Variants in PTPRM observed in about 807,000 individuals in gnomAD.
The protein encoded by PTPRM is protein tyrosine phosphatase receptor type M.
A neutral mutation model predicts 186.7 loss-of-function variants in PTPRM; 47 were observed. The ratio of observed to expected loss-of-function variants is 0.25; its 90% CI spans 0.20 to 0.32. PTPRM has a LOEUF of 0.32. Among genes scored for constraint, PTPRM ranks in the 10% least tolerant of loss-of-function variants. The pLI is 1.00. For synonymous variants in PTPRM, 668 were observed against 674.9 expected (o/e 0.99, Z 0.16); for missense variants, 1,494 against 1,865.0 (o/e 0.80, Z 3.66).
chr18:7,606,880 A>G (rs2037542999), intron 1 of PTPRM, among the ~76,000 whole-genome samples: 1 of 152,140 alleles, frequency 6.6e-6, no homozygotes, highest in Non-Finnish European at 1.5e-5. Flanking sequence ...GAATTCCCCA[A>G]AAAGCAGATT....
intron 27 of PTPRM, 56 bp downstream of exon 27, chr18:8,378,470 T>TGC: frequency 6.3e-7 from 1 of 1,585,172 alleles, no homozygotes; most frequent in East Asian, 2.2e-5. Context: ...CAAGAAGGAT[T>TGC]TCAAGGTCAG....
intron 20 of PTPRM, among the ~76,000 whole-genome samples, chr18:8,303,581 G>A (rs900928790): frequency 6.6e-5 from 10 of 152,142 alleles, no homozygotes; most frequent in African/African-American, 2.4e-4. Context: ...GAAGCAGATG[G>A]ACACAATATG....
intron 4 of PTPRM, among the ~76,000 whole-genome samples, chr18:7,908,576 T>C (rs2050113316): frequency 1.3e-5 from 2 of 152,244 alleles, no homozygotes; most frequent in African/African-American, 4.8e-5. Context: ...CTGATATCTT[T>C]ATTTGGTGCT....
chr18:7,821,871 G>A (rs2045216662), intron 2 of PTPRM, among the ~76,000 whole-genome samples: 1 of 152,158 alleles, frequency 6.6e-6, no homozygotes, highest in African/African-American at 2.4e-5. Context: ...CATAGAATGA[G>A]ATTTCATCAC....
intron 32 of PTPRM, among the ~76,000 whole-genome samples, chr18:8,398,978 A>G (rs2095858296): frequency 1.3e-5 from 2 of 152,178 alleles, no homozygotes; most frequent in African/African-American, 2.4e-5. Context: ...TAGATTGTAT[A>G]TAAGTCTGTA....
intron 2 of PTPRM, among the ~76,000 whole-genome samples, chr18:7,861,767 TGAGAGA>T (rs138096586): frequency 8.1e-5 from 12 of 148,182 alleles, no homozygotes; most frequent in East Asian, 3.9e-4. Context: ...TGTGTGTGTG[TGAGAGA>T]GAGAGAGAGA....
At chr18:8,165,611 A>C (rs2093311061) in intron 14 of PTPRM, among the ~76,000 whole-genome samples, 1 of 152,216 alleles carries the variant, frequency 6.6e-6, no homozygotes, top group African/African-American at 2.4e-5. Context: ...AGATTCTTGC[A>C]GTCTCAAGTG....
chr18:7,792,867 G>T (rs1380663874), intron 2 of PTPRM, among the ~76,000 whole-genome samples: 1 of 151,992 alleles, frequency 6.6e-6, no homozygotes, highest in African/African-American at 2.4e-5. Flanking sequence ...GTCTTTCTGT[G>T]TTGCCCATGT....
intron 13 of PTPRM, among the ~76,000 whole-genome samples, chr18:8,134,525 A>T (rs777299780): frequency 1.3e-5 from 2 of 151,664 alleles, no homozygotes; most frequent in African/African-American, 2.4e-5. Flanking sequence ...CTTTTCTTTG[A>T]TTCCTTTTCC....
intron 2 of PTPRM, among the ~76,000 whole-genome samples, chr18:7,880,479 G>A (rs945120063): frequency 6.6e-6 from 1 of 152,158 alleles, no homozygotes; most frequent in Non-Finnish European, 1.5e-5. Context: ...TTCCCTAGTG[G>A]CTGAGAAATA....
chr18:8,125,248 T>C (rs1414452642), intron 13 of PTPRM, among the ~76,000 whole-genome samples: 1 of 151,508 alleles, frequency 6.6e-6, no homozygotes, highest in Non-Finnish European at 1.5e-5. Flanking sequence ...ATTTCTTGAC[T>C]GAGTTCATTG....
rs186937113 is a variant in PTPRM, at chr18:8,202,134, G to T, written c.2301-41924G>T. Among the ~76,000 whole-genome samples, 4 of 152,264 alleles carry T rather than the reference G, an allele frequency of 2.6e-5. No homozygotes were observed. In the East Asian group the frequency reaches 7.7e-4, roughly 29 times the overall value. ...AATTTCAAGGCAAGGCACATCATGG[G>T]CTTGACCTTCATGTCTTCAGACTCA... On this transcript the variant is annotated intron_variant, in intron 14 of 32. Transcript: ENST00000580170.
chr18:8,355,314 G>A (rs978504119), intron 23 of PTPRM, among the ~76,000 whole-genome samples: 4 of 152,184 alleles, frequency 2.6e-5, no homozygotes, highest in Admixed American at 6.5e-5. Flanking sequence ...AACAAGGGGT[G>A]CCTGGTGCTG....
intron 14 of PTPRM, among the ~76,000 whole-genome samples, chr18:8,211,798 G>A (rs1023927325): frequency 3.3e-5 from 5 of 152,118 alleles, no homozygotes; most frequent in African/African-American, 7.2e-5. Context: ...GAAGACAGAG[G>A]GGGAGGCATG....
chr18:7,952,377 A>T (rs34927945), intron 6 of PTPRM, among the ~76,000 whole-genome samples: 44,553 of 152,074 alleles, frequency 0.29, 8,224 homozygotes, highest in East Asian at 0.44. Flanking sequence ...TACCTCTTTC[A>T]TCCTTTCCCT....
Position 8,133,432 on chromosome 18 carries a change from G to A in PTPRM, c.2168-10215G>A, listed in dbSNP as rs530163626. Among the ~76,000 whole-genome samples the A allele has an allele frequency of 7.2e-5, 11 of 152,286 alleles. No homozygotes were observed. The South Asian group carries it at 2.3e-3, about 32-fold the overall frequency. ...TTGTCTCAAGGAATTTATGTTTAGTGTATGACATAAAGATTTACCAAAATA... is the reference window on the plus strand; with the variant it reads ...TTGTCTCAAGGAATTTATGTTTAGTATATGACATAAAGATTTACCAAAATA... On this transcript the variant is annotated intron_variant, in intron 13 of 32. Transcript: ENST00000580170.
At chr18:7,774,406 T>A in intron 2 of PTPRM, 135 bp downstream of exon 2, 1 of 1,050,710 alleles carries the variant, frequency 9.5e-7, no homozygotes, top group Non-Finnish European at 1.4e-6. Flanking sequence ...GATTAGCTAG[T>A]GAGAGTGGTG....
intron 23 of PTPRM, chr18:8,365,068 G>A: frequency 6.6e-6 from 1 of 152,182 alleles, no homozygotes. Context: ...CTCCAGTTCT[G>A]CCCCCAAAAA....
At chr18:7,714,991 T>C (rs2040294904) in intron 1 of PTPRM, among the ~76,000 whole-genome samples, 2 of 152,192 alleles carry the variant, frequency 1.3e-5, no homozygotes, top group African/African-American at 2.4e-5. Context: ...GAGGGAATCC[T>C]CCCTAACTCA....
Sources: allele counts gnomAD v4.1 joint callset (sites outside exome capture counted in the v4.1 genomes callset), GRCh38; gene constraint gnomAD v4.1.1; transcripts MANE v1.5; gene names NCBI Gene and HGNC (gene_info 2026-07-23, HGNC 2026-07-21).